Variants in ADGRV1 observed in about 807,000 individuals in gnomAD.
The protein encoded by ADGRV1 is G-protein coupled receptor 98.
ADGRV1 carries 359 observed loss-of-function variants against 596.2 expected under a neutral mutation model. The observed-to-expected ratio is 0.60, with a 90% CI of 0.55 to 0.66. ADGRV1 has a LOEUF of 0.66. Among genes scored for constraint, ADGRV1 ranks in the 30% least tolerant of loss-of-function variants. The probability of loss-of-function intolerance (pLI) is 0.00; values close to 1 mark genes in which losing one functional copy is unlikely to be tolerated. For synonymous variants in ADGRV1, 2,681 were observed against 2,679.2 expected, an observed-to-expected ratio of 1.00 and a Z score of -0.02; for missense variants, 7,274 against 7,575.6, an observed-to-expected ratio of 0.96 and a Z score of 1.48.
chr5:91,060,903 A>G (rs562519871), intron 85 of ADGRV1, among the ~76,000 whole-genome samples: 4 of 152,330 alleles, frequency 2.6e-5, no homozygotes, highest in South Asian at 4.1e-4. Flanking sequence ...TTATCCTTCT[A>G]CAAAATGATT....
chr5:91,025,516 A>T (rs1225951457), intron 85 of ADGRV1, among the ~76,000 whole-genome samples: 1 of 152,174 alleles, frequency 6.6e-6, no homozygotes, highest in African/African-American at 2.4e-5. Flanking sequence ...AATAGAAAAG[A>T]TCATTTTTTC....
At chr5:90,893,419 C>T (rs1011981829) in intron 83 of ADGRV1, among the ~76,000 whole-genome samples, 5 of 152,104 alleles carry the variant, frequency 3.3e-5, no homozygotes, top group African/African-American at 1.2e-4. Context: ...CACACAACTA[C>T]CCTAGTCTAC....
chr5:90,947,203 ATTGTGATT>A (rs887215107), intron 83 of ADGRV1, among the ~76,000 whole-genome samples: 2 of 152,072 alleles, frequency 1.3e-5, no homozygotes, highest in African/African-American at 4.8e-5. Flanking sequence ...ACGGTATCTC[ATTGTGATT>A]TTGATTTGCA....
intron 78 of ADGRV1, among the ~76,000 whole-genome samples, chr5:90,845,548 C>A (rs1198696201): frequency 6.6e-6 from 1 of 151,874 alleles, no homozygotes; most frequent in East Asian, 1.9e-4. Context: ...GGAAGTTAAA[C>A]TAAATTTTTG....
intron 1 of ADGRV1, among the ~76,000 whole-genome samples, chr5:90,575,698 T>C (rs1757111895): frequency 6.6e-6 from 1 of 152,172 alleles, no homozygotes; most frequent in African/African-American, 2.4e-5. Flanking sequence ...CTGGCAACTT[T>C]GACCATGAGA....
intron 5 of ADGRV1, among the ~76,000 whole-genome samples, chr5:90,624,785 T>G (rs191371298): frequency 6.6e-6 from 1 of 152,310 alleles, no homozygotes; most frequent in African/African-American, 2.4e-5. Context: ...ACATCCAGCT[T>G]GTGAAGTGGA....
chr5:90,762,128 A>G (rs971472083), intron 58 of ADGRV1, among the ~76,000 whole-genome samples: 4 of 152,198 alleles, frequency 2.6e-5, no homozygotes, highest in African/African-American at 7.2e-5. Context: ...ATGGAAATCT[A>G]CTTGTGAAAC....
chr5:90,788,630 C>G (rs1317866698), intron 68 of ADGRV1, among the ~76,000 whole-genome samples: 1 of 152,000 alleles, frequency 6.6e-6, no homozygotes, highest in Non-Finnish European at 1.5e-5. Context: ...CATTGGATAT[C>G]TTTGTCTTCA....
At chr5:90,994,097 A>G (rs4916836) in intron 85 of ADGRV1, among the ~76,000 whole-genome samples, 96,996 of 149,306 alleles carry the variant, frequency 0.65, 32,972 homozygotes, top group African/African-American at 0.87. Context: ...CGCTCTTGTC[A>G]TCCAGGCTGG....
intron 1 of ADGRV1, among the ~76,000 whole-genome samples, chr5:90,560,799 T>C (rs1440222094): frequency 6.6e-6 from 1 of 152,178 alleles, no homozygotes; most frequent in Non-Finnish European, 1.5e-5. Flanking sequence ...AGTGATCATA[T>C]GAGATATATT....
At chr5:91,014,174 A>ACACACACACACACACACACACACACC (rs955977664) in intron 85 of ADGRV1, among the ~76,000 whole-genome samples, 1 of 149,998 alleles carries the variant, frequency 6.7e-6, no homozygotes. Flanking sequence ...ACACACACAC[A>ACACACACACACACACACACACACACC]CCCCTAGACA....
In ADGRV1 at chr5:90,985,400, T is replaced by C. The variant is rs1353914670; in HGVS notation, c.18030T>C (p.Tyr6010=). 3.7e-6 allele frequency: 6 copies of C among 1,613,664 alleles called. No individual in the cohort carries two copies. Among genetic ancestry groups the C allele is most frequent in the East Asian group, 4.5e-5 (2 of 44,856 alleles). Residue 6010 remains tyrosine (Y), a synonymous_variant, in exon 85 of 90, where the codon TAT becomes TAC. Coordinates refer to ENST00000405460, the MANE Select transcript of ADGRV1 (RefSeq NM_032119.4). The part of the protein sequence containing the change: ...VMNDEHTERR[Y]LLFFLLSWGL... ...ATGATGAGCACACAGAGAGGCGATA[T>C]CTGCTGTTTTTCCTTCTGAGTTGGG...
At position 90,788,076 on chromosome 5, in the gene ADGRV1, C is replaced by G. The variant is rs753883756; in HGVS notation, c.13659C>G (p.Asn4553Lys). 1.3e-6 allele frequency: 2 copies of G among 1,597,760 alleles called. No individual in the cohort carries two copies. Among genetic ancestry groups the G allele is most frequent in the South Asian group, 2.3e-5 (2 of 86,898 alleles). Residue 4553 changes from asparagine (N) to lysine (K), a missense_variant, in exon 68 of 90, where the codon AAC becomes AAG. Transcript: ENST00000405460. Reference sequence around the variant, plus strand: ...AAACCAAAAACATCCCGCAGGTGAACTGGGAGACAGTAGGACCCAACTCTC... The same window carrying G: ...AAACCAAAAACATCCCGCAGGTGAAGTGGGAGACAGTAGGACCCAACTCTC... ...TGGLLGEIQV[N>K]WETVGPNSQE...
At chr5:90,936,978 C>T (rs1003812249) in intron 83 of ADGRV1, among the ~76,000 whole-genome samples, 1 of 152,104 alleles carries the variant, frequency 6.6e-6, no homozygotes, top group Non-Finnish European at 1.5e-5. Flanking sequence ...ACTTCCTTAA[C>T]ACCTTGAAAA....
At chr5:90,977,684 TA>T (rs1779729923) in intron 84 of ADGRV1, among the ~76,000 whole-genome samples, 1 of 152,084 alleles carries the variant, frequency 6.6e-6, no homozygotes, top group African/African-American at 2.4e-5. Flanking sequence ...TTGGGAAAAA[TA>T]GTAGGGAAAA....
At chr5:90,688,126 C>T (rs951686155) in intron 29 of ADGRV1, among the ~76,000 whole-genome samples, 19 of 152,072 alleles carry the variant, frequency 1.2e-4, no homozygotes, top group Admixed American at 3.9e-4. Context: ...GGAGGCATCA[C>T]GCTACCTGAC....
chr5:90,593,978 C>T (rs1017263493), intron 1 of ADGRV1, among the ~76,000 whole-genome samples: 2 of 152,072 alleles, frequency 1.3e-5, no homozygotes, highest in African/African-American at 4.8e-5. Flanking sequence ...TCTGCAAAAA[C>T]ATTACTACAA....
intron 76 of ADGRV1, 145 bp from the exon 77 acceptor site, chr5:90,828,799 G>A (rs373175747): frequency 5.7e-4 from 252 of 442,906 alleles, no homozygotes; most frequent in African/African-American, 4.1e-3. Flanking sequence ...ATTTAATTCC[G>A]TAATTATACA....
Position 91,058,219 on chromosome 5 carries a change from T to G in ADGRV1, c.18153-14228T>G, listed in dbSNP as rs555303648. ...CACTTGGTTTCTTCACCCATCATGC[T>G]GGAGGGAGGGTGGCATGACCTCTAC... is the stretch of plus-strand genomic sequence containing the variant. On this transcript the variant is annotated intron_variant, in intron 85 of 89. Transcript: ENST00000405460. 3.9e-4 allele frequency among the ~76,000 whole-genome samples: 60 copies of G among 152,326 alleles called. 1 individual carries two copies. Among genetic ancestry groups the G allele is most frequent in the Non-Finnish European group, 7.6e-4 (52 of 68,028 alleles).
Sources: gnomAD v4.1 joint callset for allele counts (sites outside exome capture counted in the v4.1 genomes callset) on GRCh38, gnomAD v4.1.1 for gene constraint, MANE v1.5 for transcripts, NCBI Gene and HGNC (gene_info 2026-07-23, HGNC 2026-07-21) for gene names.